The following CALCOCO1 variants were observed in gnomAD, a reference collection of about 807,000 sequenced individuals.
The protein encoded by CALCOCO1 is calcium binding and coiled-coil domain 1, also known as calcium-binding and coiled-coil domain-containing protein 1.
CALCOCO1 carries 44 observed loss-of-function variants against 86.3 expected under a neutral mutation model. That is an observed-to-expected ratio of 0.51 (90% CI 0.40 to 0.66). The LOEUF (loss-of-function observed/expected upper bound fraction) is 0.66. CALCOCO1 is among the 30% of genes least tolerant of loss of function. The pLI is 0.00. For synonymous variants in CALCOCO1, 297 were observed against 327.6 expected (o/e 0.91, Z 1.01); for missense variants, 708 against 851.1 (o/e 0.83, Z 2.09).
intron 1 of CALCOCO1, among the ~76,000 whole-genome samples, chr12:53,727,202 C>T (rs1565653095): frequency 6.6e-6 from 1 of 152,050 alleles, no homozygotes; most frequent in Non-Finnish European, 1.5e-5. Context: ...CGAGGGGGCG[C>T]CCCCCACCCC....
chr12:53,714,364 T>C (rs148072985), intron 11 of CALCOCO1, 123 bp from the exon 12 acceptor site: 464 of 739,914 alleles, frequency 6.3e-4, no homozygotes, highest in Non-Finnish European at 9.5e-4. Flanking sequence ...TCAGCAAAGA[T>C]TGGGGCAACT....
intron 7 of CALCOCO1, among the ~76,000 whole-genome samples, chr12:53,717,451 C>A (rs1007952152): frequency 1.3e-5 from 2 of 152,210 alleles, no homozygotes; most frequent in Non-Finnish European, 2.9e-5. Context: ...CAAGATCCAC[C>A]ACAGTCTAAC....
At position 53,713,881 on chromosome 12, in the gene CALCOCO1, T is replaced by C. The variant is rs1350350405; in HGVS notation, c.1611A>G (p.Thr537=). Residue 537 remains threonine, a synonymous_variant, in exon 13 of 15, where the codon ACA becomes ACG. Transcript: ENST00000550804. ...CTTCTGGGGACTCGTCCTCTGAGTC[T>C]GTCAGAGCTGCCGGGCAGCCTGTAG... is the stretch of plus-strand genomic sequence containing the variant. ...AVGLSCPAAL[T]DSEDESPEDM... 1 of 1,524,408 alleles carries C rather than the reference T, an allele frequency of 6.6e-7. No individual in the cohort carries two copies. Among genetic ancestry groups the C allele is most frequent in the South Asian group, 1.3e-5 (1 of 76,284 alleles). The allele number at this position is 1,524,408 out of a possible 1,614,324, so 94.4% of individuals were successfully genotyped here. A position where few individuals can be genotyped will look rare whatever the true frequency, so the allele number is the denominator to read the frequency against.
intron 3 of CALCOCO1, 60 bp downstream of exon 3, chr12:53,724,585 C>G (rs773601513): frequency 7.8e-7 from 1 of 1,288,516 alleles, no homozygotes; most frequent in Non-Finnish European, 1.1e-6. Flanking sequence ...AGCCCACTAC[C>G]TTCTTTCAAA....
At chr12:53,720,122 T>C (rs960827779) in intron 6 of CALCOCO1, among the ~76,000 whole-genome samples, 1 of 152,248 alleles carries the variant, frequency 6.6e-6, no homozygotes, top group Admixed American at 6.5e-5. Context: ...GACTAGAATC[T>C]AGTCTTTTTG....
In CALCOCO1 at chr12:53,711,994, TG is replaced by T. The variant is rs1945569320; in HGVS notation, c.2025del (p.His675GlnfsTer41). The T allele has an allele frequency of 6.2e-7, 1 of 1,606,328 alleles. No individual in the cohort carries two copies. The highest frequency in any genetic ancestry group is 1.7e-5 in the Admixed American group (1 of 58,676). ...AESDKDALED[H>X]MDGHFFFSTQ... is the part of the protein sequence containing the mutation. ...GTGCTGAAAAAGAAGTGTCCATCCA[TG>T]TGGTCCTCCAGGGCATCCTTGTCAC... On this transcript the variant is annotated frameshift_variant, in exon 15 of 15. Coordinates refer to ENST00000550804, the MANE Select transcript of CALCOCO1 (RefSeq NM_020898.3). LOFTEE classifies it high-confidence loss of function.
rs1273793675 is a variant in CALCOCO1, at chr12:53,722,163, C to T, written c.471G>A (p.Gln157=). The T allele has an allele frequency of 6.2e-7, 1 of 1,613,492 alleles. No homozygotes were observed. Among genetic ancestry groups the T allele is most frequent in the Non-Finnish European group, 8.5e-7 (1 of 1,180,034 alleles). The stretch of plus-strand genomic sequence containing the variant: ...GCTGCATCAGGTCATTCCGTTCTTG[C>T]TGGCTCTCATCGAGCTGGTTCTACA... ...TVLQNQLDES[Q]QERNDLMQLK... Residue 157 remains glutamine (Q), a synonymous_variant, in exon 5 of 15, where the codon CAG becomes CAA. Coordinates refer to ENST00000550804, the MANE Select transcript of CALCOCO1 (RefSeq NM_020898.3).
Position 53,719,834 on chromosome 12 carries a change from G to A in CALCOCO1, c.759-5C>T, listed in dbSNP as rs1444857204. On this transcript the variant is annotated splice_polypyrimidine_tract_variant and splice_region_variant and intron_variant, in intron 6 of 14. Transcript: ENST00000550804. ...GCCTTCACTGTGTCTCTAAGCCTGT[G>A]ATTGGTGGGATGACATGTCAGACAA... The A allele has an allele frequency of 1.2e-5, 20 of 1,602,218 alleles. No individual in the cohort carries two copies. The highest frequency in any genetic ancestry group is 1.6e-5 in the Non-Finnish European group (19 of 1,169,804).
In CALCOCO1 at chr12:53,713,897, C is replaced by A. The variant is rs747400206; in HGVS notation, c.1595G>T (p.Cys532Phe). 6.6e-6 allele frequency: 10 copies of A among 1,523,412 alleles called. No homozygotes were observed. The highest frequency in any genetic ancestry group is 1.8e-4 in the Middle Eastern group (1 of 5,658). The allele number at this position is 1,523,412 out of a possible 1,614,324, so 94.4% of individuals were successfully genotyped here. A position where few individuals can be genotyped will look rare whatever the true frequency, so the allele number is the denominator to read the frequency against. The change falls in exon 13 of 15, where the codon TGC (cysteine) becomes TTC (phenylalanine). Residue 532 changes from cysteine (C) to phenylalanine (F), a missense_variant. Physicochemically the swap from Cys to Phe is radical, Grantham distance 205 (BLOSUM62 -2). Coordinates refer to ENST00000550804, the MANE Select transcript of CALCOCO1 (RefSeq NM_020898.3). ...CTCTGAGTCTGTCAGAGCTGCCGGG[C>A]AGCCTGTAGGAGATGAAGCAGGCAG... Reference protein sequence around the residue: ...EDEEAAVGLSCPAALTDSEDE... With the variant: ...EDEEAAVGLSFPAALTDSEDE...
Position 53,711,313 on chromosome 12 carries a change from T to C in CALCOCO1, c.*631A>G, listed in dbSNP as rs903429851. ...CATGTGAGGAGATGCGAGGAGAGGA[T>C]ACAGAATACAGGAATCCTCAAAAAT... On this transcript the variant is annotated 3_prime_UTR_variant, in exon 15 of 15. Coordinates refer to ENST00000550804, the MANE Select transcript of CALCOCO1 (RefSeq NM_020898.3). 2 of 397,468 alleles carry C rather than the reference T, an allele frequency of 5.0e-6. No individual in the cohort carries two copies. Among genetic ancestry groups the C allele is most frequent in the Non-Finnish European group, 8.9e-6 (2 of 225,424 alleles). The allele number at this position is 397,468 out of a possible 1,614,324, so 24.6% of individuals were successfully genotyped here. A position where few individuals can be genotyped will look rare whatever the true frequency, so the allele number is the denominator to read the frequency against.
chr12:53,723,845 G>C, intron 3 of CALCOCO1, 62 bp from the exon 4 acceptor site: 2 of 1,459,346 alleles, frequency 1.4e-6, no homozygotes, highest in Non-Finnish European at 9.4e-7. Flanking sequence ...CCAGCCCCTT[G>C]CTCGGTGTTC....
chr12:53,716,620 T>G (rs574001592), intron 7 of CALCOCO1, among the ~76,000 whole-genome samples: 15 of 152,332 alleles, frequency 9.8e-5, no homozygotes, highest in Admixed American at 9.8e-4. Context: ...AATTGAGGTA[T>G]CCAGCATCGC....
At chr12:53,721,963 G>C (rs757849695) in intron 5 of CALCOCO1, 62 bp downstream of exon 5, 3 of 1,586,818 alleles carry the variant, frequency 1.9e-6, no homozygotes, top group South Asian at 2.2e-5. Context: ...TCTTCACTGG[G>C]TTCAGATTTT....
rs186014708 is a variant in CALCOCO1 at position 53,710,291 on chromosome 12, G to C, written c.*1653C>G. The C allele has an allele frequency of 6.6e-6, 1 of 152,240 alleles. No individual in the cohort carries two copies. The highest frequency in any genetic ancestry group is 2.4e-5 in the African/African-American group (1 of 41,382). 9.4% of individuals were successfully genotyped at this position (152,240 alleles called of 1,614,324 possible). On this transcript the variant is annotated 3_prime_UTR_variant, in exon 15 of 15. Transcript: ENST00000550804. ...ACGGAGACGTGAGGGAAGAAGGAAC[G>C]ATGTAAGAAGTCATCCAGGTGGGGC...
At chr12:53,722,943 C>CAAAAA (rs58897806) in intron 4 of CALCOCO1, 1,313 of 191,858 alleles carry the variant, frequency 6.8e-3, no homozygotes, top group East Asian at 0.013. Context: ...AAGGCTGTCT[C>CAAAAA]AAAAAAAAAA....
chr12:53,721,850 A>C, intron 5 of CALCOCO1, 175 bp downstream of exon 5: 1 of 825,882 alleles, frequency 1.2e-6, no homozygotes, highest in Non-Finnish European at 1.9e-6. Context: ...CGTTTGGAAC[A>C]TGTCTCTTGT....
rs1216786617 is a variant in CALCOCO1, at chr12:53,715,343, A to C, written c.1261-18T>G. 1.2e-6 allele frequency: 2 copies of C among 1,613,710 alleles called. No individual in the cohort carries two copies. Among genetic ancestry groups the C allele is most frequent in the African/African-American group, 2.7e-5 (2 of 74,932 alleles). ...TTCTCTGCCTGAGAGATAGCCAAGAAGGAAAATGGGAGGGTGGAGGGGGAA... is the reference window on the plus strand; with the variant it reads ...TTCTCTGCCTGAGAGATAGCCAAGACGGAAAATGGGAGGGTGGAGGGGGAA... On this transcript the variant is annotated intron_variant, in intron 9 of 14. Coordinates refer to ENST00000550804, the MANE Select transcript of CALCOCO1 (RefSeq NM_020898.3).
rs1945818658 is a variant in CALCOCO1, at chr12:53,719,751, C to T, written c.837G>A (p.Lys279=). 4 of 1,613,392 alleles carry T rather than the reference C, an allele frequency of 2.5e-6. No individual in the cohort carries two copies. Among genetic ancestry groups the T allele is most frequent in the Admixed American group, 1.7e-5 (1 of 59,942 alleles). Reference sequence around the variant, plus strand: ...CTGAGCCCCTTACCTCACTTTGCTCCTTGTCTGCTTGTACTTCTTTCAGTT... The same window carrying T: ...CTGAGCCCCTTACCTCACTTTGCTCTTTGTCTGCTTGTACTTCTTTCAGTT... ...LGQLKEVQAD[K]EQSEAELQVA... The change falls in exon 7 of 15, where the codon AAG becomes AAA. Residue 279 remains lysine, a synonymous_variant. Coordinates refer to ENST00000550804, the MANE Select transcript of CALCOCO1 (RefSeq NM_020898.3).
chr12:53,718,941 G>A (rs976785682), intron 7 of CALCOCO1, among the ~76,000 whole-genome samples: 3 of 145,794 alleles, frequency 2.1e-5, no homozygotes, highest in African/African-American at 5.1e-5. Context: ...TCTGCCTCCC[G>A]GGTTCAAGTG....
Sources: allele counts gnomAD v4.1 joint callset (sites outside exome capture counted in the v4.1 genomes callset), GRCh38; gene constraint gnomAD v4.1.1; transcripts MANE v1.5; gene names NCBI Gene and HGNC (gene_info 2026-07-23, HGNC 2026-07-21).